Variants in ALCAM observed in about 807,000 individuals in gnomAD.
ALCAM encodes the protein CD166 antigen.
ALCAM carries 30 observed loss-of-function variants against 70.9 expected under a neutral mutation model. The observed-to-expected ratio is 0.42, with a 90% CI of 0.32 to 0.57. ALCAM has a LOEUF of 0.57. Among genes scored for constraint, ALCAM ranks in the 20% least tolerant of loss-of-function variants. The probability of loss-of-function intolerance (pLI) is 0.11; values close to 1 mark genes in which losing one functional copy is unlikely to be tolerated. For synonymous variants in ALCAM, 249 were observed against 242.5 expected, an observed-to-expected ratio of 1.03 and a Z score of -0.25; for missense variants, 591 against 695.1, an observed-to-expected ratio of 0.85 and a Z score of 1.68.
At chr3:105,559,316 A>T (rs949689149) in intron 14 of ALCAM, among the ~76,000 whole-genome samples, 3 of 148,080 alleles carry the variant, frequency 2.0e-5, no homozygotes, top group Non-Finnish European at 3.0e-5. Context: ...ATATACACAT[A>T]TATGTAATAT....
At chr3:105,469,016 G>T (rs1317251825) in intron 1 of ALCAM, among the ~76,000 whole-genome samples, 1 of 146,006 alleles carries the variant, frequency 6.8e-6, no homozygotes, top group African/African-American at 2.5e-5. Flanking sequence ...GGTCATTTTG[G>T]TCATTACCTG....
intron 1 of ALCAM, among the ~76,000 whole-genome samples, chr3:105,462,882 CA>C (rs1937623904): frequency 6.6e-6 from 1 of 151,346 alleles, no homozygotes; most frequent in Non-Finnish European, 1.5e-5. Flanking sequence ...ATCTGTTTCT[CA>C]CAGTCTTCTT....
At chr3:105,448,701 A>C (rs143111275) in intron 1 of ALCAM, among the ~76,000 whole-genome samples, 42 of 152,332 alleles carry the variant, frequency 2.8e-4, no homozygotes, top group African/African-American at 8.9e-4. Context: ...AGATGCTGAC[A>C]AGGCAATGTT....
chr3:105,502,439 G>A (rs574138173), intron 1 of ALCAM, among the ~76,000 whole-genome samples: 4 of 152,206 alleles, frequency 2.6e-5, no homozygotes, highest in Non-Finnish European at 5.9e-5. Flanking sequence ...TTGAGGCCAT[G>A]CTTTTGGAAA....
chr3:105,395,679 G>A (rs1935932694), intron 1 of ALCAM, among the ~76,000 whole-genome samples: 1 of 151,904 alleles, frequency 6.6e-6, no homozygotes, highest in African/African-American at 2.4e-5. Flanking sequence ...ATATAACGAG[G>A]GAACAAGAAG....
chr3:105,456,516 G>T (rs1315206523), intron 1 of ALCAM, among the ~76,000 whole-genome samples: 1 of 152,154 alleles, frequency 6.6e-6, no homozygotes, highest in African/African-American at 2.4e-5. Context: ...TAGTTTGTGT[G>T]ATAATTCTTT....
At position 105,542,996 on chromosome 3, in the gene ALCAM, A is replaced by G. The variant is rs148481847; in HGVS notation, c.991+1231A>G. Among the ~76,000 whole-genome samples, 6 of 151,868 alleles carry G rather than the reference A, an allele frequency of 4.0e-5. No individual in the cohort carries two copies. The East Asian group carries it at 1.2e-3, about 29-fold the overall frequency. ...GTTCCATGAAAATAAAATAATGAAGAAAGAGAATATAGCCAGCAGATAGAA... is the reference window on the plus strand; with the variant it reads ...GTTCCATGAAAATAAAATAATGAAGGAAGAGAATATAGCCAGCAGATAGAA... On this transcript the variant is annotated intron_variant, in intron 8 of 15. Coordinates refer to ENST00000306107, the MANE Select transcript of ALCAM (RefSeq NM_001627.4).
chr3:105,448,931 G>A (rs1190223827), intron 1 of ALCAM, among the ~76,000 whole-genome samples: 1 of 152,112 alleles, frequency 6.6e-6, no homozygotes, highest in African/African-American at 2.4e-5. Flanking sequence ...TAGGCAAAAG[G>A]GAAACAGCTT....
At chr3:105,558,853 C>T (rs1576241411) in intron 14 of ALCAM, among the ~76,000 whole-genome samples, 2 of 152,002 alleles carry the variant, frequency 1.3e-5, no homozygotes, top group South Asian at 2.1e-4. Flanking sequence ...ACCAGCTCTA[C>T]GAGGAAATCC....
At chr3:105,456,769 GT>G (rs1349353247) in intron 1 of ALCAM, among the ~76,000 whole-genome samples, 1 of 147,770 alleles carries the variant, frequency 6.8e-6, no homozygotes, top group African/African-American at 2.5e-5. Context: ...TAAAATGGCT[GT>G]TTCTAAGACA....
chr3:105,548,155 G>C (rs774545075), intron 11 of ALCAM, among the ~76,000 whole-genome samples: 25 of 151,494 alleles, frequency 1.7e-4, no homozygotes, highest in Middle Eastern at 3.4e-3. Flanking sequence ...ATAGTAAAGG[G>C]TTAAGGATTT....
At chr3:105,441,462 C>CT (rs536466880) in intron 1 of ALCAM, among the ~76,000 whole-genome samples, 58 of 152,254 alleles carry the variant, frequency 3.8e-4, no homozygotes, top group Middle Eastern at 6.8e-3. Flanking sequence ...CATTAGTTCC[C>CT]TTGTCAACTT....
rs988857726 is a variant in ALCAM, at chr3:105,534,855, T to A, written c.730+10T>A. 1.3e-6 allele frequency: 2 copies of A among 1,596,532 alleles called. No individual in the cohort carries two copies. Among genetic ancestry groups the A allele is most frequent in the Non-Finnish European group, 1.7e-6 (2 of 1,168,612 alleles). ...GTATTTGATATTTACTGTAAGTAAT[T>A]CAATATATAATTATGCTATTTAATG... is the stretch of plus-strand genomic sequence containing the variant. On this transcript the variant is annotated intron_variant, in intron 6 of 15. Coordinates refer to ENST00000306107, the MANE Select transcript of ALCAM (RefSeq NM_001627.4).
chr3:105,485,803 A>C (rs1214300450), intron 1 of ALCAM, among the ~76,000 whole-genome samples: 1 of 152,122 alleles, frequency 6.6e-6, no homozygotes, highest in African/African-American at 2.4e-5. Context: ...ATGTTAATTC[A>C]ACAGCTTGTA....
At chr3:105,496,560 A>G (rs1384327306) in intron 1 of ALCAM, among the ~76,000 whole-genome samples, 1 of 152,068 alleles carries the variant, frequency 6.6e-6, no homozygotes, top group Non-Finnish European at 1.5e-5. Context: ...TATCTCCCTC[A>G]TTGTCTTCGC....
chr3:105,422,239 G>C (rs1310051351), intron 1 of ALCAM, among the ~76,000 whole-genome samples: 2 of 151,248 alleles, frequency 1.3e-5, no homozygotes, highest in African/African-American at 2.4e-5. Context: ...TCCATTCATG[G>C]GTCGATAGGC....
chr3:105,390,804 T>C (rs1935797600), intron 1 of ALCAM, among the ~76,000 whole-genome samples: 2 of 152,206 alleles, frequency 1.3e-5, no homozygotes, highest in African/African-American at 4.8e-5. Flanking sequence ...GTTTTAATTT[T>C]CTGCGTATGG....
intron 1 of ALCAM, among the ~76,000 whole-genome samples, chr3:105,464,375 A>G (rs779783418): frequency 1.1e-4 from 16 of 150,706 alleles, no homozygotes; most frequent in Non-Finnish European, 2.4e-4. Context: ...ACTTTAAAAG[A>G]AATATTTTCT....
intron 1 of ALCAM, among the ~76,000 whole-genome samples, chr3:105,376,993 C>T (rs1353683217): frequency 2.6e-5 from 4 of 152,062 alleles, no homozygotes; most frequent in African/African-American, 9.7e-5. Context: ...GTTGTGGGAT[C>T]TACAAAAGGA....
Sources: gnomAD v4.1 joint callset for allele counts (sites outside exome capture counted in the v4.1 genomes callset) on GRCh38, gnomAD v4.1.1 for gene constraint, MANE v1.5 for transcripts, NCBI Gene and HGNC (gene_info 2026-07-23, HGNC 2026-07-21) for gene names.